NRXN3: variants seen among roughly 807,000 people sequenced by gnomAD.
NRXN3 encodes neurexin III.
In NRXN3, 32 loss-of-function variants were observed where a neutral mutation model predicts 137.6. The observed-to-expected ratio is 0.23, with a 90% CI of 0.18 to 0.31. NRXN3 has a LOEUF of 0.31. Among genes scored for constraint, NRXN3 ranks in the 10% least tolerant of loss-of-function variants. The probability of loss-of-function intolerance (pLI) is 1.00; values close to 1 mark genes in which losing one functional copy is unlikely to be tolerated. For missense variants in NRXN3, 1,574 were observed against 2,062.5 expected (o/e 0.76, Z 4.59); for synonymous variants, 798 against 784.5 (o/e 1.02, Z -0.29).
intron 8 of NRXN3, among the ~76,000 whole-genome samples, chr14:78,770,205 G>A (rs1051100182): frequency 3.9e-4 from 60 of 152,094 alleles, no homozygotes; most frequent in East Asian, 3.9e-4. Context: ...TGAACAATAA[G>A]GACCTCACCC....
rs1487072508 is a variant in NRXN3, at chr14:79,861,011, T to C, written c.4094-331T>C. The C allele has an allele frequency of 1.3e-5, 18 of 1,334,120 alleles. No individual in the cohort carries two copies. The Admixed American group carries it at 1.9e-4, about 14-fold the overall frequency. 82.6% of individuals were successfully genotyped at this position (1,334,120 alleles called of 1,614,324 possible). ...TGAGAGTTGTTTACAAATATACTAA[T>C]TGTTTTTCTTTTTCTTTTCCATCCC... On this transcript the variant is annotated intron_variant, in intron 20 of 20. Coordinates refer to ENST00000335750, the MANE Select transcript of NRXN3 (RefSeq NM_001330195.2). This position sits in a 1 kb window ranked among gnomAD's most constrained non-coding sequence, Gnocchi z 5.4.
chr14:79,113,762 G>A (rs2053933363), intron 15 of NRXN3, among the ~76,000 whole-genome samples: 1 of 152,074 alleles, frequency 6.6e-6, no homozygotes, highest in East Asian at 1.9e-4. Flanking sequence ...TGCAACTTTT[G>A]ATACTCTTAA....
At chr14:78,423,212 A>C (rs933507160) in intron 4 of NRXN3, among the ~76,000 whole-genome samples, 1 of 152,216 alleles carries the variant, frequency 6.6e-6, no homozygotes, top group South Asian at 2.1e-4. Flanking sequence ...AGTCACATTT[A>C]TACAGAAACC....
At chr14:79,178,431 A>G (rs545054923) in intron 15 of NRXN3, among the ~76,000 whole-genome samples, 2 of 152,122 alleles carry the variant, frequency 1.3e-5, no homozygotes, top group Non-Finnish European at 1.5e-5. Flanking sequence ...TCACTCTGTT[A>G]TTGTTAACCA....
At chr14:79,348,728 T>C (rs1300771553) in intron 15 of NRXN3, among the ~76,000 whole-genome samples, 1 of 152,168 alleles carries the variant, frequency 6.6e-6, no homozygotes, top group Non-Finnish European at 1.5e-5. Flanking sequence ...AATATGGAAA[T>C]GAGCTGGGAT....
In NRXN3 at chr14:79,769,510, A is replaced by G. The variant is rs574062007; in HGVS notation, c.4015-35602A>G. ...AAGAACTTTCAACCCAGAATCTCAT[A>G]TCCAGCCAAACTAAGCTTCATAAGT... On this transcript the variant is annotated intron_variant, in intron 19 of 20. Coordinates refer to ENST00000335750, the MANE Select transcript of NRXN3 (RefSeq NM_001330195.2). 1.1e-3 allele frequency among the ~76,000 whole-genome samples: 160 copies of G among 152,328 alleles called. 1 individual carries two copies. Among genetic ancestry groups the G allele is most frequent in the Middle Eastern group, 6.8e-3 (2 of 294 alleles).
chr14:79,847,567 T>C (rs2099382079), intron 20 of NRXN3, among the ~76,000 whole-genome samples: 1 of 152,200 alleles, frequency 6.6e-6, no homozygotes, highest in Non-Finnish European at 1.5e-5. Flanking sequence ...ACTCATGAAA[T>C]CATGAGCATT....
At chr14:78,615,782 A>G (rs758720714) in intron 4 of NRXN3, among the ~76,000 whole-genome samples, 6 of 152,076 alleles carry the variant, frequency 3.9e-5, no homozygotes, top group Non-Finnish European at 7.3e-5. Context: ...CCCCAAAAAA[A>G]ACAAAACAAT....
At chr14:79,177,408 C>A (rs956649911) in intron 15 of NRXN3, among the ~76,000 whole-genome samples, 1 of 152,088 alleles carries the variant, frequency 6.6e-6, no homozygotes. Flanking sequence ...CTTTTATCAG[C>A]CCTCGGAGAA....
chr14:79,103,833 G>A (rs775942287), intron 15 of NRXN3, among the ~76,000 whole-genome samples: 7 of 152,098 alleles, frequency 4.6e-5, no homozygotes, highest in Non-Finnish European at 8.8e-5. Flanking sequence ...CCAGTTGCCC[G>A]ATACCAGAAT....
chr14:78,378,143 T>G (rs916604505), intron 4 of NRXN3, among the ~76,000 whole-genome samples: 5 of 152,288 alleles, frequency 3.3e-5, no homozygotes, highest in Non-Finnish European at 5.9e-5. Context: ...ACTTAGACAC[T>G]ATACAAGAGA....
At position 78,938,995 on chromosome 14, in the gene NRXN3, G is replaced by A. The variant is rs955720533; in HGVS notation, c.2276-18247G>A. The stretch of plus-strand genomic sequence containing the variant: ...GGAGTAGCTGGGACTACAGGCGCCC[G>A]CCACCTCGCCCGGCTAATTTTTTGT... On this transcript the variant is annotated intron_variant, in intron 10 of 20. Coordinates refer to ENST00000335750, the MANE Select transcript of NRXN3 (RefSeq NM_001330195.2). Among the ~76,000 whole-genome samples the A allele has an allele frequency of 5.9e-5, 9 of 151,788 alleles. No individual in the cohort carries two copies. The East Asian group carries it at 1.2e-3, about 20-fold the overall frequency.
intron 16 of NRXN3, among the ~76,000 whole-genome samples, chr14:79,606,981 G>C (rs373478072): frequency 7.0e-4 from 106 of 152,348 alleles, no homozygotes; most frequent in African/African-American, 2.4e-3. Context: ...TTTTGCTTTA[G>C]AAACTGGGTA....
chr14:79,075,369 T>C (rs904677844), intron 15 of NRXN3, among the ~76,000 whole-genome samples: 1 of 152,202 alleles, frequency 6.6e-6, no homozygotes, highest in Non-Finnish European at 1.5e-5. Flanking sequence ...GATTTTGGTC[T>C]CCCAGTTAGA....
At chr14:79,381,793 T>C (rs1002482429) in intron 15 of NRXN3, among the ~76,000 whole-genome samples, 1 of 152,090 alleles carries the variant, frequency 6.6e-6, no homozygotes, top group African/African-American at 2.4e-5. Flanking sequence ...CCATGAAACA[T>C]TAGGAAAATT....
intron 6 of NRXN3, among the ~76,000 whole-genome samples, chr14:78,683,722 A>G (rs573304024): frequency 6.6e-6 from 1 of 152,242 alleles, no homozygotes; most frequent in Admixed American, 6.5e-5. Context: ...GTTGTTGAGA[A>G]TTTTGTATGT....
chr14:79,316,304 A>G (rs1395075548), intron 15 of NRXN3, among the ~76,000 whole-genome samples: 1 of 152,228 alleles, frequency 6.6e-6, no homozygotes, highest in Non-Finnish European at 1.5e-5. Flanking sequence ...ATGTACTTAG[A>G]ACAGGGATTT....
chr14:78,566,832 C>G (rs1481673494), intron 4 of NRXN3, among the ~76,000 whole-genome samples: 2 of 152,200 alleles, frequency 1.3e-5, no homozygotes, highest in African/African-American at 2.4e-5. Flanking sequence ...AGTCCACAGT[C>G]TGTGGCTAGT....
At chr14:78,721,849 TTTTG>T in intron 8 of NRXN3, among the ~76,000 whole-genome samples, 1 of 152,248 alleles carries the variant, frequency 6.6e-6, no homozygotes, top group African/African-American at 2.4e-5. Context: ...CTCCTTTTTT[TTTTG>T]TTTGTTTTTT....
Sources: allele counts gnomAD v4.1 joint callset (sites outside exome capture counted in the v4.1 genomes callset), GRCh38; gene constraint gnomAD v4.1.1; non-coding constraint Gnocchi (gnomAD v3.1); transcripts MANE v1.5; gene names NCBI Gene and HGNC (gene_info 2026-07-23, HGNC 2026-07-21).